The following DRC11 variants were observed in gnomAD, a reference collection of about 807,000 sequenced individuals.
DRC11 encodes IQ and AAA domain-containing protein 1.
the DRC11 span, among the ~76,000 whole-genome samples, chr2:236,329,804 G>A: frequency 6.6e-6 from 1 of 152,210 alleles, no homozygotes; most frequent in Non-Finnish European, 1.5e-5. Flanking sequence ...AGTTTCTTTT[G>A]AAAATGAATA....
chr2:236,444,640 T>C, the DRC11 span, among the ~76,000 whole-genome samples: 61 of 152,328 alleles, frequency 4.0e-4, no homozygotes, highest in African/African-American at 1.4e-3. Flanking sequence ...GGATACTTTC[T>C]GACACTGAAC....
the DRC11 span, among the ~76,000 whole-genome samples, chr2:236,401,483 G>A: frequency 6.6e-6 from 1 of 152,180 alleles, no homozygotes; most frequent in Non-Finnish European, 1.5e-5. This position sits in a 1 kb window ranked among gnomAD's most constrained non-coding sequence, Gnocchi z 4.6. Flanking sequence ...GCCTGTGTGC[G>A]ACATTTGCTG....
the DRC11 span, among the ~76,000 whole-genome samples, chr2:236,457,701 C>T: frequency 6.6e-6 from 1 of 152,226 alleles, no homozygotes; most frequent in East Asian, 1.9e-4. This position sits in a 1 kb window ranked among gnomAD's most constrained non-coding sequence, Gnocchi z 4.7. Context: ...AGATTAGACG[C>T]ACATAGAAGA....
chr2:236,503,584 C>T, the DRC11 span: 1 of 1,509,426 alleles, frequency 6.6e-7, no homozygotes, highest in East Asian at 2.5e-5. This position sits in a 1 kb window ranked among gnomAD's most constrained non-coding sequence, Gnocchi z 4.9. Flanking sequence ...TCCCGGCTGA[C>T]AGGAAAATGA....
the DRC11 span, among the ~76,000 whole-genome samples, chr2:236,357,735 A>G: frequency 7.9e-6 from 1 of 126,862 alleles, no homozygotes; most frequent in Non-Finnish European, 1.5e-5. Context: ...ATAAATATAC[A>G]TATAATATGT....
At chr2:236,436,945 T>A in the DRC11 span, among the ~76,000 whole-genome samples, 12 of 152,230 alleles carry the variant, frequency 7.9e-5, no homozygotes, top group East Asian at 1.5e-3. Context: ...TTTTTAAAAA[T>A]TTATTATTAT....
At chr2:236,435,777 C>T in the DRC11 span, among the ~76,000 whole-genome samples, 6 of 152,098 alleles carry the variant, frequency 3.9e-5, no homozygotes, top group Non-Finnish European at 8.8e-5. Context: ...CATATTAATG[C>T]CATATTGGTA....
At chr2:236,454,036 G>A in the DRC11 span, among the ~76,000 whole-genome samples, 2 of 152,180 alleles carry the variant, frequency 1.3e-5, no homozygotes, top group African/African-American at 4.8e-5. The surrounding 1 kb of genome is among the most constrained non-coding windows in gnomAD (Gnocchi z 5.3). Context: ...CTTAGCCCAT[G>A]GGTTCTTCAG....
the DRC11 span, among the ~76,000 whole-genome samples, chr2:236,378,489 A>G: frequency 6.6e-6 from 1 of 152,052 alleles, no homozygotes; most frequent in African/African-American, 2.4e-5. Context: ...GCTGGCCAAC[A>G]TGGTGAAACC....
At chr2:236,377,194 A>T in the DRC11 span, 2 of 1,579,802 alleles carry the variant, frequency 1.3e-6, no homozygotes, top group Admixed American at 3.4e-5. This position sits in a 1 kb window ranked among gnomAD's most constrained non-coding sequence, Gnocchi z 4.9. Context: ...TCCTGGGGAG[A>T]AAGCAGAGTG....
chr2:236,507,466 A>C, the DRC11 span: 1 of 603,320 alleles, frequency 1.7e-6, no homozygotes, highest in East Asian at 2.8e-5. Flanking sequence ...CTTCGCAGGC[A>C]CGGAGCGCGC....
chr2:236,426,588 A>T, the DRC11 span, among the ~76,000 whole-genome samples: 1 of 152,170 alleles, frequency 6.6e-6, no homozygotes, highest in African/African-American at 2.4e-5. This position sits in a 1 kb window ranked among gnomAD's most constrained non-coding sequence, Gnocchi z 4.1. Flanking sequence ...TAAAAATTCA[A>T]TACAGACAGG....
At chr2:236,493,866 G>A in the DRC11 span, 5 of 1,604,312 alleles carry the variant, frequency 3.1e-6, no homozygotes, top group African/African-American at 6.7e-5. Context: ...AAATACTTGG[G>A]TATGGGAATA....
chr2:236,389,159 G>A, the DRC11 span, among the ~76,000 whole-genome samples: 1 of 152,240 alleles, frequency 6.6e-6, no homozygotes, highest in African/African-American at 2.4e-5. Context: ...ACAGAGGCAG[G>A]CACGCCTCCT....
At chr2:236,419,311 C>T in the DRC11 span, 1 of 1,510,680 alleles carries the variant, frequency 6.6e-7, no homozygotes, top group Non-Finnish European at 8.8e-7. The surrounding 1 kb of genome is among the most constrained non-coding windows in gnomAD (Gnocchi z 4.8). Context: ...TTCATAGATC[C>T]CTATCAAGAG....
chr2:236,444,864 G>C, the DRC11 span, among the ~76,000 whole-genome samples: 1 of 152,222 alleles, frequency 6.6e-6, no homozygotes, highest in Non-Finnish European at 1.5e-5. Flanking sequence ...GACATTCAAA[G>C]ATGGCAGAGG....
At chr2:236,322,884 AG>A in the DRC11 span, among the ~76,000 whole-genome samples, 2 of 152,234 alleles carry the variant, frequency 1.3e-5, no homozygotes, top group African/African-American at 4.8e-5. Flanking sequence ...CTGGTAGCTT[AG>A]TGTGACTATG....
At chr2:236,363,977 A>T in the DRC11 span, 11 of 1,611,870 alleles carry the variant, frequency 6.8e-6, no homozygotes, top group East Asian at 2.2e-4. This position sits in a 1 kb window ranked among gnomAD's most constrained non-coding sequence, Gnocchi z 5.6. Flanking sequence ...ACTGCTGCAG[A>T]ACCTAAAAAA....
At chr2:236,471,419 A>G in the DRC11 span, among the ~76,000 whole-genome samples, 1 of 152,186 alleles carries the variant, frequency 6.6e-6, no homozygotes, top group Non-Finnish European at 1.5e-5. This position sits in a 1 kb window ranked among gnomAD's most constrained non-coding sequence, Gnocchi z 4.6. Flanking sequence ...GTGCATGACA[A>G]TATCTGTGCT....
Sources: gnomAD v4.1 joint callset for allele counts (sites outside exome capture counted in the v4.1 genomes callset) on GRCh38, gnomAD v4.1.1 for gene constraint, Gnocchi (gnomAD v3.1) non-coding constraint, MANE v1.5 for transcripts, NCBI Gene and HGNC (gene_info 2026-07-23, HGNC 2026-07-21) for gene names.